ADGRV1: variants seen among roughly 807,000 people sequenced by gnomAD.
ADGRV1 encodes G-protein coupled receptor 98.
A neutral mutation model predicts 596.2 loss-of-function variants in ADGRV1; 359 were observed. That is an observed-to-expected ratio of 0.60 (90% CI 0.55 to 0.66). The LOEUF (loss-of-function observed/expected upper bound fraction) is 0.66, where lower values mean the gene tolerates loss of function less well. Among genes scored for constraint, ADGRV1 ranks in the 30% least tolerant of loss-of-function variants. The probability of loss-of-function intolerance (pLI) is 0.00; values close to 1 mark genes in which losing one functional copy is unlikely to be tolerated. For synonymous variants in ADGRV1, 2,681 were observed against 2,679.2 expected (o/e 1.00, Z -0.02); for missense variants, 7,274 against 7,575.6 (o/e 0.96, Z 1.48).
intron 86 of ADGRV1, 57 bp downstream of exon 86, chr5:91,072,661 A>G: frequency 6.5e-7 from 1 of 1,539,426 alleles, no homozygotes; most frequent in Non-Finnish European, 8.8e-7. Context: ...TGGTGGGAAA[A>G]TGTCACTGAA....
intron 83 of ADGRV1, among the ~76,000 whole-genome samples, chr5:90,916,691 G>A (rs1326456738): frequency 7.3e-6 from 1 of 136,714 alleles, no homozygotes; most frequent in East Asian, 2.2e-4. Flanking sequence ...GGAGTGCAGT[G>A]GCGGGATCTC....
intron 17 of ADGRV1, among the ~76,000 whole-genome samples, 191 bp from the exon 18 acceptor site, chr5:90,651,413 G>T (rs1359681344): frequency 1.3e-5 from 2 of 151,952 alleles, no homozygotes; most frequent in Non-Finnish European, 2.9e-5. Context: ...ATGTATGTTT[G>T]TACTTATGTG....
chr5:90,862,038 T>TGTCA (rs1460853340), intron 82 of ADGRV1, among the ~76,000 whole-genome samples: 1 of 152,198 alleles, frequency 6.6e-6, no homozygotes, highest in African/African-American at 2.4e-5. Flanking sequence ...TGCCACCAGG[T>TGTCA]GTCATGCTAG....
At chr5:90,635,483 A>T (rs1481722309) in intron 10 of ADGRV1, among the ~76,000 whole-genome samples, 193 bp downstream of exon 10, 2 of 152,228 alleles carry the variant, frequency 1.3e-5, no homozygotes, top group Non-Finnish European at 2.9e-5. Context: ...ACAGTATTAG[A>T]TAGAATGAAA....
chr5:91,034,251 C>CA (rs1275381126), intron 85 of ADGRV1, among the ~76,000 whole-genome samples: 1 of 152,022 alleles, frequency 6.6e-6, no homozygotes, highest in Non-Finnish European at 1.5e-5. Context: ...AGTCTAACTA[C>CA]AAATGCATTA....
At chr5:91,087,276 A>G (rs778373803) in intron 86 of ADGRV1, among the ~76,000 whole-genome samples, 14 of 151,992 alleles carry the variant, frequency 9.2e-5, no homozygotes, top group African/African-American at 1.4e-4. Flanking sequence ...ATGCACAACT[A>G]TATAATCTTT....
intron 1 of ADGRV1, among the ~76,000 whole-genome samples, chr5:90,561,084 C>T (rs1201635576): frequency 6.6e-6 from 1 of 152,044 alleles, no homozygotes; most frequent in Admixed American, 6.6e-5. Context: ...TTCTCTTAAG[C>T]CCTTTATTAG....
chr5:90,992,969 G>A (rs184290265), intron 85 of ADGRV1, among the ~76,000 whole-genome samples: 34 of 152,142 alleles, frequency 2.2e-4, no homozygotes, highest in African/African-American at 6.3e-4. Context: ...ATAGCACAAT[G>A]ATCATAACTA....
intron 85 of ADGRV1, among the ~76,000 whole-genome samples, chr5:91,063,943 A>C (rs894818761): frequency 6.6e-6 from 1 of 152,164 alleles, no homozygotes; most frequent in Admixed American, 6.5e-5. Context: ...AGTGCTGTGC[A>C]TTTATTGTAA....
rs776596673 is a variant in ADGRV1, at chr5:90,644,742, G to C, written c.2771G>C (p.Gly924Ala). 6.2e-7 allele frequency: 1 copy of C among 1,610,994 alleles called. No homozygotes were observed. Among genetic ancestry groups the C allele is most frequent in the Admixed American group, 1.7e-5 (1 of 59,636 alleles). The change falls in exon 15 of 90, where the codon GGT becomes GCT. Residue 924 changes from glycine to alanine, a missense_variant. By Grantham distance (60) the Gly-to-Ala change is moderately conservative. Transcript: ENST00000405460. ...GTAGTAAGAAATCGAGGCAACTTTGGTGATGTTAGTGTATCATGGGTGGTT... is the reference window on the plus strand; with the variant it reads ...GTAGTAAGAAATCGAGGCAACTTTGCTGATGTTAGTGTATCATGGGTGGTT... The part of the protein sequence containing the change: ...YDVVRNRGNF[G>A]DVSVSWVVSP...
chr5:91,063,027 T>C (rs1402164224), intron 85 of ADGRV1, among the ~76,000 whole-genome samples: 1 of 148,388 alleles, frequency 6.7e-6, no homozygotes, highest in Non-Finnish European at 1.5e-5. Context: ...GGCACGATCT[T>C]GGCTCACTGC....
At chr5:91,117,994 G>T (rs965609890) in intron 87 of ADGRV1, among the ~76,000 whole-genome samples, 3 of 152,186 alleles carry the variant, frequency 2.0e-5, no homozygotes, top group Non-Finnish European at 2.9e-5. Context: ...TATTGTCAGG[G>T]TGGTGGTTGC....
At chr5:91,101,497 T>C (rs1310457426) in intron 86 of ADGRV1, among the ~76,000 whole-genome samples, 1 of 152,176 alleles carries the variant, frequency 6.6e-6, no homozygotes, top group East Asian at 1.9e-4. Context: ...ATATAACTTG[T>C]CACTTAAATA....
intron 1 of ADGRV1, among the ~76,000 whole-genome samples, chr5:90,602,554 C>T (rs1037470939): frequency 5.3e-5 from 8 of 152,140 alleles, no homozygotes; most frequent in African/African-American, 1.9e-4. Flanking sequence ...AGACAAATCC[C>T]AGCTGAGGGA....
chr5:90,781,374 T>G (rs1304357674), intron 64 of ADGRV1, 56 bp from the exon 65 acceptor site: 1 of 1,281,704 alleles, frequency 7.8e-7, no homozygotes, highest in East Asian at 2.5e-5. Context: ...TATGCAATTA[T>G]GTATTTTTTG....
intron 83 of ADGRV1, among the ~76,000 whole-genome samples, chr5:90,907,151 G>T (rs924333017): frequency 1.3e-5 from 2 of 152,046 alleles, no homozygotes; most frequent in African/African-American, 4.8e-5. Context: ...TGGCATTGTT[G>T]ACATTTCTCT....
intron 85 of ADGRV1, among the ~76,000 whole-genome samples, chr5:91,027,801 G>T (rs930713642): frequency 6.6e-6 from 1 of 152,148 alleles, no homozygotes; most frequent in African/African-American, 2.4e-5. Flanking sequence ...GCTTTTTCCT[G>T]TGTTGTACAA....
chr5:90,819,221 C>T (rs1425774522), intron 75 of ADGRV1, among the ~76,000 whole-genome samples: 2 of 152,014 alleles, frequency 1.3e-5, no homozygotes, highest in Non-Finnish European at 2.9e-5. Flanking sequence ...TTGTAGTATT[C>T]TCTGATGGTA....
intron 78 of ADGRV1, among the ~76,000 whole-genome samples, chr5:90,848,392 T>C (rs1036647568): frequency 1.2e-4 from 19 of 152,142 alleles, no homozygotes; most frequent in African/African-American, 4.3e-4. Context: ...CTTTATCTAA[T>C]GATTAAGTAG....
Sources: gnomAD v4.1 joint callset for allele counts (sites outside exome capture counted in the v4.1 genomes callset) on GRCh38, gnomAD v4.1.1 for gene constraint, MANE v1.5 for transcripts, NCBI Gene and HGNC (gene_info 2026-07-23, HGNC 2026-07-21) for gene names.